The following FREM1 variants were observed in gnomAD, a reference collection of about 807,000 sequenced individuals.
FREM1 encodes FRAS1-related extracellular matrix protein 1.
Under a neutral mutation model 210.1 loss-of-function variants are expected in FREM1, and 220 were observed. That is an observed-to-expected ratio of 1.05 (90% confidence interval 0.94 to 1.17). The LOEUF is 1.17. Among genes scored for constraint, FREM1 ranks in the 50% most tolerant of loss-of-function variants. The pLI, the probability that FREM1 is intolerant of heterozygous loss-of-function variation, is 0.00. For missense variants in FREM1, 3,454 were observed against 2,675.5 expected, an observed-to-expected ratio of 1.29 and a Z score of -6.42; for synonymous variants, 1,189 against 980.2, an observed-to-expected ratio of 1.21 and a Z score of -3.98.
intron 1 of FREM1, among the ~76,000 whole-genome samples, chr9:14,879,513 T>C (rs931382914): frequency 2.0e-5 from 3 of 152,196 alleles, no homozygotes; most frequent in South Asian, 2.1e-4. Flanking sequence ...AAGCAACGTC[T>C]ACAAGAATAC....
intron 27 of FREM1, among the ~76,000 whole-genome samples, chr9:14,769,133 A>G (rs1421378478): frequency 6.6e-6 from 1 of 152,166 alleles, no homozygotes; most frequent in Middle Eastern, 3.2e-3. Flanking sequence ...AATTTTGAAG[A>G]TTTGTTACTC....
At chr9:14,782,880 G>A (rs1587943447) in intron 24 of FREM1, among the ~76,000 whole-genome samples, 1 of 152,292 alleles carries the variant, frequency 6.6e-6, no homozygotes, top group African/African-American at 2.4e-5. Context: ...AAGAGCACAG[G>A]AGGTTGTGTA....
intron 14 of FREM1, among the ~76,000 whole-genome samples, chr9:14,817,971 C>T (rs547900401): frequency 6.6e-6 from 1 of 152,332 alleles, no homozygotes; most frequent in South Asian, 2.1e-4. Flanking sequence ...CCTAAGAGTA[C>T]ACATCCAAAG....
chr9:14,887,954 T>A (rs1157028481), intron 1 of FREM1, among the ~76,000 whole-genome samples: 1 of 152,140 alleles, frequency 6.6e-6, no homozygotes, highest in Non-Finnish European at 1.5e-5. Context: ...CTCGCCACCA[T>A]GCCCAGCTAA....
At chr9:14,754,788 G>C (rs1488510293) in intron 29 of FREM1, among the ~76,000 whole-genome samples, 2 of 152,104 alleles carry the variant, frequency 1.3e-5, no homozygotes, top group Non-Finnish European at 2.9e-5. Flanking sequence ...AAAAAAATTA[G>C]CCAGGTGTGG....
At position 14,798,481 on chromosome 9, in the gene FREM1, C is replaced by T. The variant is rs181152081; in HGVS notation, c.3695-839G>A. Among the ~76,000 whole-genome samples, 261 of 151,868 alleles carry T rather than the reference C, an allele frequency of 1.7e-3. 1 individual carries two copies. The highest frequency in any genetic ancestry group is 5.9e-3 in the African/African-American group (244 of 41,392). The stretch of plus-strand genomic sequence containing the variant: ...TTTTTTTGAAACACTAGCCAGGTGA[C>T]GCCTGTAGTCATAGCTGCTCAAGAG... On this transcript the variant is annotated intron_variant, in intron 20 of 36. Transcript: ENST00000380880.
intron 13 of FREM1, among the ~76,000 whole-genome samples, chr9:14,819,825 A>G (rs540257948): frequency 1.1e-4 from 16 of 152,354 alleles, no homozygotes; most frequent in African/African-American, 3.4e-4. Flanking sequence ...AGTCTAAAAA[A>G]TACACAAAAT....
chr9:14,858,439 G>A (rs918296101), intron 4 of FREM1, among the ~76,000 whole-genome samples: 1 of 151,322 alleles, frequency 6.6e-6, no homozygotes, highest in African/African-American at 2.4e-5. Flanking sequence ...GCCTCAAGCA[G>A]TCTTCCTGCC....
rs200053931 is a variant in FREM1, at chr9:14,874,601, T to C, written c.-267-5357A>G. ...GGGTTTCCTGAATACAGCACACTGA[T>C]GGTTCTTGACTCTTTATCCAATTTG... On this transcript the variant is annotated intron_variant, in intron 1 of 36. Coordinates refer to ENST00000380880, the MANE Select transcript of FREM1 (RefSeq NM_001379081.2). Among the ~76,000 whole-genome samples the C allele has an allele frequency of 5.3e-5, 8 of 151,740 alleles. No individual in the cohort carries two copies. The East Asian group carries it at 1.2e-3, about 22-fold the overall frequency.
At chr9:14,851,651 T>A in intron 5 of FREM1, 44 bp from the exon 6 acceptor site, 25 of 1,342,068 alleles carry the variant, frequency 1.9e-5, no homozygotes, top group Non-Finnish European at 2.6e-5. Context: ...ATAATATGAA[T>A]GAGGTGATAT....
At chr9:14,885,507 A>G (rs1317405236) in intron 1 of FREM1, among the ~76,000 whole-genome samples, 3 of 152,112 alleles carry the variant, frequency 2.0e-5, no homozygotes, top group Non-Finnish European at 4.4e-5. Flanking sequence ...GCAGCCTCCA[A>G]TTCCTGGGCT....
At chr9:14,833,161 G>A (rs1183030829) in intron 10 of FREM1, among the ~76,000 whole-genome samples, 1 of 152,186 alleles carries the variant, frequency 6.6e-6, no homozygotes, top group African/African-American at 2.4e-5. Context: ...TCTGGGTGGT[G>A]CCAGCCGATC....
chr9:14,896,261 A>C (rs1334851051), intron 1 of FREM1, among the ~76,000 whole-genome samples: 1 of 152,168 alleles, frequency 6.6e-6, no homozygotes, highest in Non-Finnish European at 1.5e-5. Flanking sequence ...AAGGGGAAGC[A>C]TGGGCTGGGC....
chr9:14,821,614 G>C (rs1276650351), intron 13 of FREM1, among the ~76,000 whole-genome samples: 2 of 152,198 alleles, frequency 1.3e-5, no homozygotes, highest in African/African-American at 2.4e-5. Flanking sequence ...GATAGGAAAG[G>C]TGTCAAAGAA....
intron 1 of FREM1, among the ~76,000 whole-genome samples, chr9:14,873,014 G>A (rs1460283255): frequency 6.6e-6 from 1 of 151,868 alleles, no homozygotes; most frequent in East Asian, 1.9e-4. Flanking sequence ...TCCCAGGGAT[G>A]AAGCCCACTT....
chr9:14,873,957 T>C (rs562998481), intron 1 of FREM1, among the ~76,000 whole-genome samples: 42 of 152,296 alleles, frequency 2.8e-4, no homozygotes, highest in Non-Finnish European at 6.0e-4. Context: ...GGTTGTTCAG[T>C]TTCCATGTAG....
Position 14,806,846 on chromosome 9 carries a change from C to G in FREM1, c.3089G>C (p.Gly1030Ala). ...VDNQPPSIAIGPVFVVDEGCS... is the reference protein window; with the variant it reads ...VDNQPPSIAIAPVFVVDEGCS... ...GCCCTCATCTACAACAAACACGGGA[C>G]CTGCATACAAATAAAAACACAATTA... The change falls in exon 18 of 37, where the codon GGT becomes GCT. Residue 1030 changes from glycine to alanine, a missense_variant and splice_region_variant. Coordinates refer to ENST00000380880, the MANE Select transcript of FREM1 (RefSeq NM_001379081.2). 1 of 1,585,680 alleles carries G rather than the reference C, an allele frequency of 6.3e-7. No individual in the cohort carries two copies. The highest frequency in any genetic ancestry group is 8.6e-7 in the Non-Finnish European group (1 of 1,162,738).
chr9:14,751,373 G>A (rs1587703041), intron 29 of FREM1, among the ~76,000 whole-genome samples: 1 of 152,144 alleles, frequency 6.6e-6, no homozygotes, highest in African/African-American at 2.4e-5. Context: ...TCTTGGCCGG[G>A]TGCAGTGGTA....
chr9:14,808,908 C>T (rs547121952), intron 16 of FREM1, among the ~76,000 whole-genome samples: 8 of 152,284 alleles, frequency 5.3e-5, no homozygotes, highest in Non-Finnish European at 8.8e-5. Context: ...ATCCAGGACA[C>T]AGAAAAGTTT....
Sources: allele counts gnomAD v4.1 joint callset (sites outside exome capture counted in the v4.1 genomes callset), GRCh38; gene constraint gnomAD v4.1.1; transcripts MANE v1.5; gene names NCBI Gene and HGNC (gene_info 2026-07-23, HGNC 2026-07-21).